ITFG2: variants seen among roughly 807,000 people sequenced by gnomAD.
ITFG2 encodes integrin alpha FG-GAP repeat containing 2.
ITFG2 carries 36 observed loss-of-function variants against 54.4 expected under a neutral mutation model. That is an observed-to-expected ratio of 0.66 (90% CI 0.51 to 0.87). The LOEUF is 0.87. Ranked by LOEUF, ITFG2 falls within the 40% of genes least tolerant of loss-of-function variation. The pLI is 0.00. For missense variants in ITFG2, 524 were observed against 576.7 expected, an observed-to-expected ratio of 0.91 and a Z score of 0.94; for synonymous variants, 211 against 225.4, an observed-to-expected ratio of 0.94 and a Z score of 0.57.
chr12:2,824,154 A>C lies in ITFG2; in HGVS notation c.1305A>C (p.Pro435=), dbSNP rs1234576111. Residue 435 remains proline, a synonymous_variant, in exon 12 of 12, where the codon CCA becomes CCC. Coordinates refer to ENST00000228799, the MANE Select transcript of ITFG2 (RefSeq NM_018463.4). Reference sequence around the variant, plus strand: ...AAACGCTCTACCATCCAGACCAGCCACCACAGTGTGCTCCCTCAAGCCTCC... The same window carrying C: ...AAACGCTCTACCATCCAGACCAGCCCCCACAGTGTGCTCCCTCAAGCCTCC... The part of the protein sequence containing the change: ...LHQTLYHPDQ[P]PQCAPSSLQD... The C allele has an allele frequency of 6.2e-7, 1 of 1,614,022 alleles. No homozygotes were observed. Among genetic ancestry groups the C allele is most frequent in the Non-Finnish European group, 8.5e-7 (1 of 1,180,040 alleles).
At chr12:2,823,624 A>G in intron 10 of ITFG2, 146 bp from the exon 11 acceptor site, 1 of 1,020,366 alleles carries the variant, frequency 9.8e-7, no homozygotes, top group Non-Finnish European at 1.4e-6. Context: ...CTGAGTTCCC[A>G]ACAGAGAAGA....
intron 2 of ITFG2, among the ~76,000 whole-genome samples, chr12:2,848,866 GACACACACACGCAC>G (rs1172712630): frequency 8.6e-6 from 1 of 115,768 alleles, no homozygotes; most frequent in Non-Finnish European, 1.8e-5. Context: ...CACCCCAACA[GACACACACACGCAC>G]ACACACACAC....
upstream of ITFG2, among the ~76,000 whole-genome samples, chr12:2,834,093 T>C (rs1038020269): frequency 4.3e-4 from 66 of 152,232 alleles, no homozygotes; most frequent in African/African-American, 1.5e-3. Flanking sequence ...GCCTGGAAGG[T>C]CCATTCCACT....
At chr12:2,827,188 G>A (rs761900199), downstream of ITFG2, 1 of 1,613,948 alleles carries the variant, frequency 6.2e-7, no homozygotes, top group Admixed American at 1.7e-5. This position sits in a 1 kb window ranked among gnomAD's most constrained non-coding sequence, Gnocchi z 4.0. Flanking sequence ...TTCCCTCTGG[G>A]GACTGACTGA....
At position 2,824,083 on chromosome 12, in the gene ITFG2, C is replaced by T. The variant is rs1399763378; in HGVS notation, c.1241-7C>T. ...CAGCCTCTTACCCACCCCTTCTTGG[C>T]TCTCAGATCCTGACGACCTCCCTGT... On this transcript the variant is annotated splice_polypyrimidine_tract_variant and splice_region_variant and intron_variant, in intron 11 of 11. Coordinates refer to ENST00000228799, the MANE Select transcript of ITFG2 (RefSeq NM_018463.4). The T allele has an allele frequency of 1.2e-6, 2 of 1,613,986 alleles. No homozygotes were observed. Among genetic ancestry groups the T allele is most frequent in the Non-Finnish European group, 1.7e-6 (2 of 1,180,030 alleles).
chr12:2,856,916 G>A, intron 2 of ITFG2: 1 of 702,978 alleles, frequency 1.4e-6, no homozygotes, highest in Non-Finnish European at 2.6e-6. Flanking sequence ...GCCCAGTGGG[G>A]TACAAAAAGG....
At chr12:2,835,156 C>CGTGTGTGTGTGTGT (rs1404966974), upstream of ITFG2, 14 of 1,299,596 alleles carry the variant, frequency 1.1e-5, 1 homozygote, top group African/African-American at 2.4e-4. Flanking sequence ...GTGGATGGGG[C>CGTGTGTGTGTGTGT]GTATGTGTGT....
chr12:2,859,373 C>A, intron 3 of ITFG2: 1 of 1,613,912 alleles, frequency 6.2e-7, no homozygotes, highest in Non-Finnish European at 8.5e-7. Flanking sequence ...GGGACCTAAG[C>A]CCACTGTAGG....
chr12:2,828,426 G>T, downstream of ITFG2: 1 of 1,607,156 alleles, frequency 6.2e-7, no homozygotes, highest in South Asian at 1.1e-5. Flanking sequence ...TAAGAAAGAA[G>T]AATCGTGGTG....
In ITFG2 at chr12:2,821,268, C is replaced by T. The variant is rs371776795; in HGVS notation, c.702C>T (p.Thr234=). The T allele has an allele frequency of 6.2e-7, 1 of 1,606,000 alleles. No homozygotes were observed. The highest frequency in any genetic ancestry group is 1.1e-5 in the South Asian group (1 of 89,624). The change falls in exon 7 of 12, where the codon ACC becomes ACT. Residue 234 remains threonine (T), a synonymous_variant. Coordinates refer to ENST00000228799, the MANE Select transcript of ITFG2 (RefSeq NM_018463.4). ...GTCCACCTGCTGTGCACAGGGAGAC[C>T]CCAGCTGCCCGAGACGTGGTGCTGC... The part of the protein sequence containing the change: ...SEGPTDGSRE[T]PAARDVVLHQ...
intron 3 of ITFG2, 73 bp from the exon 4 acceptor site, chr12:2,818,031 CTG>C: frequency 1.2e-6 from 2 of 1,609,154 alleles, no homozygotes; most frequent in East Asian, 2.2e-5. Context: ...GCTCTGACCT[CTG>C]TGATCTGATG....
chr12:2,835,095 C>A, upstream of ITFG2: 1 of 1,437,388 alleles, frequency 7.0e-7, no homozygotes, highest in Non-Finnish European at 9.1e-7. Flanking sequence ...GGGCCCACAG[C>A]TGGCTGACTT....
At chr12:2,827,692 T>A (rs1603483776), downstream of ITFG2, 1 of 1,613,984 alleles carries the variant, frequency 6.2e-7, no homozygotes, top group East Asian at 2.2e-5. The surrounding 1 kb of genome is among the most constrained non-coding windows in gnomAD (Gnocchi z 4.0). Context: ...AGGAACAATT[T>A]GAAAACAGAA....
At chr12:2,849,281 C>T (rs1414914916) in intron 2 of ITFG2, 1 of 1,536,112 alleles carries the variant, frequency 6.5e-7, no homozygotes. Context: ...GATTTGCTTG[C>T]TTGTGCCTTG....
At chr12:2,837,335 G>A (rs955662684) in intron 1 of ITFG2, among the ~76,000 whole-genome samples, 7 of 152,162 alleles carry the variant, frequency 4.6e-5, no homozygotes, top group African/African-American at 9.7e-5. Context: ...AAAATTAGCC[G>A]GGCGCGGTGG....
intron 2 of ITFG2, among the ~76,000 whole-genome samples, chr12:2,854,314 C>T (rs775260192): frequency 1.3e-5 from 2 of 152,222 alleles, no homozygotes; most frequent in Non-Finnish European, 1.5e-5. Flanking sequence ...CGTGAGCCAC[C>T]ACGCCCTGCC....
intron 1 of ITFG2, among the ~76,000 whole-genome samples, chr12:2,838,452 G>A (rs943710345): frequency 6.6e-6 from 1 of 152,146 alleles, no homozygotes; most frequent in African/African-American, 2.4e-5. Context: ...GTGAGCTCAG[G>A]TCTGTACACT....
intron 2 of ITFG2, chr12:2,830,802 C>T: frequency 6.2e-7 from 1 of 1,613,766 alleles, no homozygotes; most frequent in African/African-American, 1.3e-5. Flanking sequence ...GGGAGGCTCC[C>T]CCTGAAGCCA....
At chr12:2,827,762 C>G, downstream of ITFG2, 1 of 1,609,304 alleles carries the variant, frequency 6.2e-7, no homozygotes, top group East Asian at 2.2e-5. This position sits in a 1 kb window ranked among gnomAD's most constrained non-coding sequence, Gnocchi z 4.0. Context: ...TCCTTCTCTG[C>G]CCACCCCATC....
Sources: allele counts gnomAD v4.1 joint callset (sites outside exome capture counted in the v4.1 genomes callset), GRCh38; gene constraint gnomAD v4.1.1; non-coding constraint Gnocchi (gnomAD v3.1); transcripts MANE v1.5; gene names NCBI Gene and HGNC (gene_info 2026-07-23, HGNC 2026-07-21).